The following GRIK4 variants were observed in gnomAD, a reference collection of about 807,000 sequenced individuals.
GRIK4 encodes glutamate receptor ionotropic, kainate 4.
Under a neutral mutation model 104.9 loss-of-function variants are expected in GRIK4, and 40 were observed. That is an observed-to-expected ratio of 0.38 (90% CI 0.30 to 0.50). The LOEUF (loss-of-function observed/expected upper bound fraction) is 0.50. GRIK4 is among the 20% of genes least tolerant of loss of function. GRIK4 has a pLI of 0.93. For missense variants in GRIK4, 1,047 were observed against 1,308.1 expected, an observed-to-expected ratio of 0.80 and a Z score of 3.08; for synonymous variants, 485 against 524.9, an observed-to-expected ratio of 0.92 and a Z score of 1.04.
intron 9 of GRIK4, 32 bp from the exon 10 acceptor site, chr11:120,874,030 ACTCC>A: frequency 1.9e-6 from 3 of 1,562,162 alleles, no homozygotes; most frequent in South Asian, 2.3e-5. Context: ...TACACCTCTC[ACTCC>A]CTCCCTCCGC....
chr11:120,804,947 T>C (rs1319686475), intron 4 of GRIK4, among the ~76,000 whole-genome samples: 2 of 152,176 alleles, frequency 1.3e-5, no homozygotes, highest in Non-Finnish European at 2.9e-5. Context: ...ACAGGATCTG[T>C]AGGCACAGAT....
intron 3 of GRIK4, among the ~76,000 whole-genome samples, chr11:120,693,601 A>C (rs915185586): frequency 6.6e-6 from 1 of 152,236 alleles, no homozygotes; most frequent in African/African-American, 2.4e-5. Context: ...AGAGAGGTAG[A>C]TAAGAAAGAC....
intron 3 of GRIK4, among the ~76,000 whole-genome samples, chr11:120,681,593 T>G (rs1950194043): frequency 6.6e-6 from 1 of 152,204 alleles, no homozygotes; most frequent in Admixed American, 6.5e-5. Context: ...GTTTGATGCA[T>G]TCGGTGAGGC....
At chr11:120,798,424 A>T (rs1952563035) in intron 3 of GRIK4, among the ~76,000 whole-genome samples, 1 of 151,800 alleles carries the variant, frequency 6.6e-6, no homozygotes, top group South Asian at 2.1e-4. Flanking sequence ...CAGACTCCCA[A>T]AGTGCTGGAT....
chr11:120,598,759 G>C (rs1948840300), intron 1 of GRIK4, among the ~76,000 whole-genome samples: 1 of 152,224 alleles, frequency 6.6e-6, no homozygotes, highest in Non-Finnish European at 1.5e-5. Context: ...TGTAGATGTA[G>C]ATATCCATTC....
At chr11:120,812,945 A>G (rs971175656) in intron 4 of GRIK4, among the ~76,000 whole-genome samples, 2 of 152,236 alleles carry the variant, frequency 1.3e-5, no homozygotes, top group African/African-American at 2.4e-5. Flanking sequence ...TGAAAGACTG[A>G]CCAGAGAACT....
intron 5 of GRIK4, among the ~76,000 whole-genome samples, chr11:120,816,744 C>T (rs1210109641): frequency 1.3e-5 from 2 of 151,840 alleles, no homozygotes; most frequent in Admixed American, 6.5e-5. Context: ...ATTGTGTGCA[C>T]GTTTAAGTGC....
chr11:120,834,269 T>G (rs902548569), intron 7 of GRIK4, among the ~76,000 whole-genome samples: 1 of 147,792 alleles, frequency 6.8e-6, no homozygotes, highest in Non-Finnish European at 1.5e-5. Context: ...TATAGGTGTG[T>G]GTGTGTGTGT....
intron 13 of GRIK4, among the ~76,000 whole-genome samples, chr11:120,910,089 C>G (rs1169822916): frequency 6.6e-6 from 1 of 152,176 alleles, no homozygotes. Flanking sequence ...ATCTTGTGCA[C>G]TCACTTCTGC....
chr11:120,888,075 C>T (rs756280559), intron 11 of GRIK4, among the ~76,000 whole-genome samples: 6 of 152,152 alleles, frequency 3.9e-5, no homozygotes, highest in Non-Finnish European at 7.4e-5. Context: ...ATTTACGTAT[C>T]CTCTTCTAAA....
chr11:120,907,936 G>T (rs1190096504), intron 13 of GRIK4, among the ~76,000 whole-genome samples: 1 of 152,168 alleles, frequency 6.6e-6, no homozygotes, highest in East Asian at 1.9e-4. Flanking sequence ...CCCCAGGTTT[G>T]AAGGATTGGG....
chr11:120,753,311 G>GTGTGTGTGTA (rs1555055649), intron 3 of GRIK4, among the ~76,000 whole-genome samples: 1,105 of 107,112 alleles, frequency 0.01, 22 homozygotes, highest in African/African-American at 0.036. Context: ...GTGTGTGTGT[G>GTGTGTGTGTA]TGTGTGTGTG....
intron 2 of GRIK4, among the ~76,000 whole-genome samples, chr11:120,655,080 C>T (rs985309930): frequency 3.3e-5 from 5 of 151,996 alleles, no homozygotes; most frequent in African/African-American, 9.7e-5. Flanking sequence ...TTCATTCAGC[C>T]GATATTATTG....
chr11:120,684,105 G>C (rs1173790048), intron 3 of GRIK4, among the ~76,000 whole-genome samples: 1 of 152,110 alleles, frequency 6.6e-6, no homozygotes, highest in Non-Finnish European at 1.5e-5. Context: ...TGGGAGGATT[G>C]CTTGAGGCCA....
chr11:120,627,906 C>T (rs1186409765), intron 1 of GRIK4, among the ~76,000 whole-genome samples: 1 of 152,250 alleles, frequency 6.6e-6, no homozygotes, highest in Non-Finnish European at 1.5e-5. Context: ...CTTCTGAACT[C>T]ATGTCACGGT....
At chr11:120,908,814 T>G (rs1055849390) in intron 13 of GRIK4, among the ~76,000 whole-genome samples, 2 of 152,228 alleles carry the variant, frequency 1.3e-5, no homozygotes, top group African/African-American at 4.8e-5. Flanking sequence ...TCCCCAACAC[T>G]TCTAGGCTGT....
At chr11:120,521,616 T>C (rs1453654833) in intron 1 of GRIK4, among the ~76,000 whole-genome samples, 2 of 152,160 alleles carry the variant, frequency 1.3e-5, no homozygotes, top group Non-Finnish European at 2.9e-5. Flanking sequence ...TGCCACCCTG[T>C]GCCTTCCAGT....
intron 3 of GRIK4, among the ~76,000 whole-genome samples, chr11:120,721,011 A>AT (rs1399273035): frequency 1.3e-5 from 2 of 149,196 alleles, no homozygotes; most frequent in African/African-American, 4.9e-5. Flanking sequence ...TCATTCATTC[A>AT]TCATTCATTC....
intron 19 of GRIK4, among the ~76,000 whole-genome samples, chr11:120,977,927 A>G (rs1408729469): frequency 6.6e-6 from 1 of 152,206 alleles, no homozygotes; most frequent in Non-Finnish European, 1.5e-5. Context: ...CACTCAGTAC[A>G]GTGTGGGCCA....
Sources: allele counts gnomAD v4.1 joint callset (sites outside exome capture counted in the v4.1 genomes callset), GRCh38; gene constraint gnomAD v4.1.1; transcripts MANE v1.5; gene names NCBI Gene and HGNC (gene_info 2026-07-23, HGNC 2026-07-21).